Variants in HMGCLL1 observed in about 807,000 individuals in gnomAD.
HMGCLL1 encodes the protein 3-hydroxy-3-methylglutaryl-CoA lyase like 1.
A neutral mutation model predicts 39.1 loss-of-function variants in HMGCLL1; 36 were observed. That is an observed-to-expected ratio of 0.92 (90% CI 0.71 to 1.22). HMGCLL1 has a LOEUF of 1.22. HMGCLL1 is among the 50% of genes most tolerant of loss of function. The pLI is 0.00. For missense variants in HMGCLL1, 451 were observed against 416.5 expected (o/e 1.08, Z -0.72); for synonymous variants, 149 against 144.0 (o/e 1.03, Z -0.25).
chr6:55,439,282 G>A (rs577295400), intron 8 of HMGCLL1, 152 bp downstream of exon 8: 1 of 679,288 alleles, frequency 1.5e-6, no homozygotes, highest in Non-Finnish European at 2.4e-6. Context: ...GACCCCAAAA[G>A]AATTTTTATT....
Position 55,516,492 on chromosome 6 carries a change from T to G in HMGCLL1, c.393+16A>C. 6.5e-7 allele frequency: 1 copy of G among 1,528,600 alleles called. No homozygotes were observed. Among genetic ancestry groups the G allele is most frequent in the Non-Finnish European group, 9.0e-7 (1 of 1,110,180 alleles). 94.7% of individuals were successfully genotyped at this position (1,528,600 alleles called of 1,614,324 possible). A position where few individuals can be genotyped will look rare whatever the true frequency, so the allele number is the denominator to read the frequency against. Reference sequence around the variant, plus strand: ...AAGAGGCCTATCAATTTTAGAGATATTAGTAGCACACTTACAGCATGGTGA... The same window carrying G: ...AAGAGGCCTATCAATTTTAGAGATAGTAGTAGCACACTTACAGCATGGTGA... On this transcript the variant is annotated intron_variant, in intron 4 of 8. Transcript: ENST00000274901.
At chr6:55,630,797 T>G in the HMGCLL1 span, among the ~76,000 whole-genome samples, 1 of 152,070 alleles carries the variant, frequency 6.6e-6, no homozygotes, top group Non-Finnish European at 1.5e-5. Context: ...AGACATGACT[T>G]GCTCCTCCTT....
At chr6:55,658,250 C>T in the HMGCLL1 span, among the ~76,000 whole-genome samples, 1 of 151,908 alleles carries the variant, frequency 6.6e-6, no homozygotes, top group Non-Finnish European at 1.5e-5. Context: ...TCCACCTTGA[C>T]AGCCCATTCT....
the HMGCLL1 span, among the ~76,000 whole-genome samples, chr6:55,631,328 A>G: frequency 5.3e-5 from 8 of 152,064 alleles, no homozygotes; most frequent in Non-Finnish European, 1.0e-4. Flanking sequence ...TAGTTGTTCA[A>G]TTTGGTGTTC....
chr6:55,506,969 T>C (rs1448102164), intron 5 of HMGCLL1, among the ~76,000 whole-genome samples: 2 of 151,720 alleles, frequency 1.3e-5, no homozygotes, highest in African/African-American at 4.8e-5. Flanking sequence ...ACTACAAAAA[T>C]CACAGCCACA....
intron 7 of HMGCLL1, among the ~76,000 whole-genome samples, 193 bp downstream of exon 7, chr6:55,495,226 G>C (rs1766509921): frequency 6.6e-6 from 1 of 152,156 alleles, no homozygotes; most frequent in Non-Finnish European, 1.5e-5. Context: ...ACAGTAATAA[G>C]AGATCTTCAT....
At chr6:55,543,436 CATATATGATATATATGAT>C (rs1179040170) in intron 1 of HMGCLL1, among the ~76,000 whole-genome samples, 1 of 39,592 alleles carries the variant, frequency 2.5e-5, no homozygotes, top group African/African-American at 1.1e-4. Flanking sequence ...TATCATATAT[CATATATGATATATATGAT>C]ATATATCATA....
At chr6:55,672,689 C>T in the HMGCLL1 span, among the ~76,000 whole-genome samples, 1 of 151,844 alleles carries the variant, frequency 6.6e-6, no homozygotes, top group African/African-American at 2.4e-5. Context: ...TTCAAACATG[C>T]ATATACCACA....
At chr6:55,486,926 C>T (rs961042445) in intron 7 of HMGCLL1, among the ~76,000 whole-genome samples, 1 of 152,058 alleles carries the variant, frequency 6.6e-6, no homozygotes, top group Non-Finnish European at 1.5e-5. Context: ...CATCTTCTTT[C>T]CTCCTACCAT....
the HMGCLL1 span, among the ~76,000 whole-genome samples, chr6:55,677,862 T>C: frequency 2.6e-5 from 4 of 152,346 alleles, no homozygotes; most frequent in African/African-American, 9.6e-5. Flanking sequence ...AAAGTAACTA[T>C]GGAAGACATT....
intron 1 of HMGCLL1, among the ~76,000 whole-genome samples, chr6:55,548,454 A>G (rs536675868): frequency 1.3e-5 from 2 of 152,184 alleles, no homozygotes; most frequent in African/African-American, 4.8e-5. Flanking sequence ...AAGAGTAGTT[A>G]CAAAAAAGCA....
intron 3 of HMGCLL1, among the ~76,000 whole-genome samples, chr6:55,519,619 A>T (rs1767931147): frequency 6.6e-6 from 1 of 152,174 alleles, no homozygotes; most frequent in South Asian, 2.1e-4. Flanking sequence ...AAGCAGAAAG[A>T]AAAGCAAAGT....
intron 3 of HMGCLL1, among the ~76,000 whole-genome samples, chr6:55,535,556 A>T (rs1170868596): frequency 1.3e-5 from 2 of 152,130 alleles, no homozygotes; most frequent in Admixed American, 6.6e-5. Context: ...TATGCACAGA[A>T]TTGAGTATTT....
At chr6:55,539,429 G>C (rs114997507) in intron 3 of HMGCLL1, among the ~76,000 whole-genome samples, 4 of 152,052 alleles carry the variant, frequency 2.6e-5, no homozygotes, top group Admixed American at 2.6e-4. Flanking sequence ...GTAAAGACGT[G>C]TAATCAACCT....
the HMGCLL1 span, among the ~76,000 whole-genome samples, chr6:55,602,878 T>C: frequency 2.6e-5 from 4 of 152,120 alleles, no homozygotes; most frequent in Non-Finnish European, 5.9e-5. Context: ...TTTAAAGGCA[T>C]GTAATTTTTT....
intron 3 of HMGCLL1, among the ~76,000 whole-genome samples, chr6:55,520,898 A>G (rs1768005650): frequency 1.3e-5 from 2 of 151,778 alleles, no homozygotes; most frequent in Admixed American, 1.3e-4. Flanking sequence ...AAATAGGCCT[A>G]CCATGGTTAA....
the HMGCLL1 span, among the ~76,000 whole-genome samples, chr6:55,643,894 G>A: frequency 6.6e-6 from 1 of 152,024 alleles, no homozygotes; most frequent in Non-Finnish European, 1.5e-5. Context: ...TCAATATACT[G>A]ATTTCCTTTC....
rs1277145028 is a variant in HMGCLL1 at position 55,578,981 on chromosome 6, C to G, written c.75G>C (p.Gly25=). Reference sequence around the variant, plus strand: ...GGTCGAGCGCCCCTGCCACTGAATCCCCGATCCAGAGATGCTCCCGGAGAA... The same window carrying G: ...GGTCGAGCGCCCCTGCCACTGAATCGCCGATCCAGAGATGCTCCCGGAGAA... ...QQLLREHLWI[G]DSVAGALDPA... is the part of the protein sequence containing the mutation. Residue 25 remains glycine (G), a synonymous_variant, in exon 1 of 9, where the codon GGG becomes GGC. Transcript: ENST00000274901. The G allele has an allele frequency of 6.2e-7, 1 of 1,613,592 alleles. No homozygotes were observed. Among genetic ancestry groups the G allele is most frequent in the Middle Eastern group, 1.6e-4 (1 of 6,062 alleles).
the HMGCLL1 span, among the ~76,000 whole-genome samples, chr6:55,673,460 G>A: frequency 1.3e-5 from 2 of 151,978 alleles, no homozygotes; most frequent in South Asian, 4.1e-4. Context: ...GATAACTGAT[G>A]CAACATGACA....
Sources: allele counts gnomAD v4.1 joint callset (sites outside exome capture counted in the v4.1 genomes callset), GRCh38; gene constraint gnomAD v4.1.1; transcripts MANE v1.5; gene names NCBI Gene and HGNC (gene_info 2026-07-23, HGNC 2026-07-21).